ICAM3: variants seen among roughly 807,000 people sequenced by gnomAD.
ICAM3 encodes the protein ICAM-3.
A neutral mutation model predicts 43.6 loss-of-function variants in ICAM3; 54 were observed. The ratio of observed to expected loss-of-function variants is 1.24; its 90% CI spans 0.99 to 1.55. The LOEUF (loss-of-function observed/expected upper bound fraction) is 1.55. Among genes scored for constraint, ICAM3 ranks in the 40% most tolerant of loss-of-function variants. The pLI, the probability that ICAM3 is intolerant of heterozygous loss-of-function variation, is 0.00. For synonymous variants in ICAM3, 306 were observed against 312.6 expected (o/e 0.98, Z 0.22); for missense variants, 715 against 717.9 (o/e 1.00, Z 0.05).
Position 10,334,981 on chromosome 19 carries a change from G to T in ICAM3, c.937+85C>A, listed in dbSNP as rs532825765. On this transcript the variant is annotated intron_variant, in intron 4 of 6. Transcript: ENST00000160262. This position sits in a 1 kb window ranked among gnomAD's most constrained non-coding sequence, Gnocchi z 5.5. ...TGCAACTGCTATTGGGGCAAGCCAG[G>T]CCCCACCTTTTCGGCTAGTCTCCGC... is the stretch of plus-strand genomic sequence containing the variant. 7.8e-6 allele frequency: 12 copies of T among 1,534,348 alleles called. No homozygotes were observed. The South Asian group carries it at 1.5e-4, about 19-fold the overall frequency.
At position 10,333,897 on chromosome 19, in the gene ICAM3, G is replaced by A. The variant is rs754625737; in HGVS notation, c.1604C>T (p.Pro535Leu). 6.2e-7 allele frequency: 1 copy of A among 1,614,112 alleles called. No individual in the cohort carries two copies. Among genetic ancestry groups the A allele is most frequent in the East Asian group, 2.2e-5 (1 of 44,884 alleles). Residue 535 changes from proline (P) to leucine (L), a missense_variant, in exon 7 of 7, where the codon CCG (proline) becomes CTG (leucine). Coordinates refer to ENST00000160262, the MANE Select transcript of ICAM3 (RefSeq NM_002162.5). The surrounding 1 kb of genome is among the most constrained non-coding windows in gnomAD (Gnocchi z 4.2). ...STYLPLTSMQ[P>L]TEAMGEEPSR... is the part of the protein sequence containing the mutation. ...CGGTTCTTCCCCCATTGCTTCTGTC[G>A]GCTGCATAGACGTGAGGGGCAGATA...
rs1455643581 is a variant in ICAM3 at position 10,334,305 on chromosome 19, C to G, written c.1296G>C (p.Glu432Asp). 6.2e-6 allele frequency: 10 copies of G among 1,614,206 alleles called. No individual in the cohort carries two copies. Among genetic ancestry groups the G allele is most frequent in the Non-Finnish European group, 8.5e-6 (10 of 1,180,036 alleles). The change falls in exon 6 of 7, where the codon GAG becomes GAC. Residue 432 changes from glutamate (E) to aspartate (D), a missense_variant. Transcript: ENST00000160262. The surrounding 1 kb of genome is among the most constrained non-coding windows in gnomAD (Gnocchi z 5.5). ...QCQARGNPYP[E>D]LRCLKEGSSR... Reference sequence around the variant, plus strand: ...TGGAGCCTTCCTTCAAACACCGCAGCTCGGGGTACGGGTTGCCCCTGGCTT... The same window carrying G: ...TGGAGCCTTCCTTCAAACACCGCAGGTCGGGGTACGGGTTGCCCCTGGCTT...
chr19:10,336,306 T>G, intron 2 of ICAM3: 1 of 278,532 alleles, frequency 3.6e-6, no homozygotes, highest in Non-Finnish European at 7.0e-6. Context: ...CCAGACGTGG[T>G]GGCTCACGCC....
intron 2 of ICAM3, among the ~76,000 whole-genome samples, chr19:10,338,221 T>G (rs1196035562): frequency 6.6e-6 from 1 of 151,876 alleles, no homozygotes; most frequent in African/African-American, 2.4e-5. Context: ...CTGGCCAACA[T>G]GGTGAAATGC....
intron 2 of ICAM3, chr19:10,336,220 A>G (rs910963241): frequency 1.8e-5 from 9 of 491,054 alleles, no homozygotes; most frequent in Non-Finnish European, 3.3e-5. Flanking sequence ...CAAAGATGGC[A>G]CAATAAAAAA....
intron 2 of ICAM3, 109 bp from the exon 3 acceptor site, chr19:10,336,085 G>C (rs1368306166): frequency 9.8e-7 from 1 of 1,022,194 alleles, no homozygotes; most frequent in African/African-American, 1.6e-5. Flanking sequence ...TGAGCTTTGA[G>C]TTAATAAACT....
In ICAM3 at chr19:10,334,106, A is replaced by ACC; in HGVS notation, c.1442-49_1442-48dup. ...TCAATATGCGTCCCTTCTGTCTCCA[A>ACC]CCCCCCCGCCCCCCGGCTTACCGGT... is the stretch of plus-strand genomic sequence containing the variant. On this transcript the variant is annotated intron_variant, in intron 6 of 6. Coordinates refer to ENST00000160262, the MANE Select transcript of ICAM3 (RefSeq NM_002162.5). This position sits in a 1 kb window ranked among gnomAD's most constrained non-coding sequence, Gnocchi z 5.5. 3.8e-6 allele frequency: 6 copies of ACC among 1,579,134 alleles called. No homozygotes were observed. Among genetic ancestry groups the ACC allele is most frequent in the Non-Finnish European group, 5.2e-6 (6 of 1,151,616 alleles).
At chr19:10,335,015 C>T (rs551374487) in intron 4 of ICAM3, 51 bp downstream of exon 4, 10 of 1,574,852 alleles carry the variant, frequency 6.3e-6, no homozygotes, top group African/African-American at 4.0e-5. Context: ...GCCCCCTCTG[C>T]CACGCCCCCA....
chr19:10,335,589 C>G, intron 3 of ICAM3, 82 bp downstream of exon 3: 1 of 1,383,138 alleles, frequency 7.2e-7, no homozygotes, highest in African/African-American at 1.4e-5. Flanking sequence ...TCCGGGGTAC[C>G]CCACTCTCAG....
Position 10,334,611 on chromosome 19 carries a change from C to T in ICAM3, c.1109G>A (p.Gly370Glu), listed in dbSNP as rs763096047. 3 of 1,613,750 alleles carry T rather than the reference C, an allele frequency of 1.9e-6. No individual in the cohort carries two copies. The highest frequency in any genetic ancestry group is 2.2e-5 in the East Asian group (1 of 44,884). Residue 370 changes from glycine (G) to glutamate (E), a missense_variant, in exon 5 of 7, where the codon GGA (glycine) becomes GAA (glutamate). By Grantham distance (98) the Gly-to-Glu change is moderately conservative. Coordinates refer to ENST00000160262, the MANE Select transcript of ICAM3 (RefSeq NM_002162.5). The surrounding 1 kb of genome is among the most constrained non-coding windows in gnomAD (Gnocchi z 5.5). ...AGTGGCACTGCAGAAGAAGCTGCGTCCGTCGTCACTCTCGGTAGCATTTAG... is the reference window on the plus strand; with the variant it reads ...AGTGGCACTGCAGAAGAAGCTGCGTTCGTCGTCACTCTCGGTAGCATTTAG... ...LQLNATESDD[G>E]RSFFCSATLE... is the part of the protein sequence containing the mutation.
At chr19:10,336,889 C>T (rs1213097078) in intron 2 of ICAM3, among the ~76,000 whole-genome samples, 1 of 150,158 alleles carries the variant, frequency 6.7e-6, no homozygotes, top group Non-Finnish European at 1.5e-5. Context: ...GGAGGCGGAT[C>T]ACTTGAGGTC....
Position 10,335,341 on chromosome 19 carries a change from G to A in ICAM3, c.662C>T (p.Thr221Ile), listed in dbSNP as rs756208899. ...RQLRTFVLPV[T>I]PPRLVAPRFL... Reference sequence around the variant, plus strand: ...CCGGGGGGCCACGAGGCGCGGGGGGGTCACGGGCAGGACTGGGGAGAAAGG... The same window carrying A: ...CCGGGGGGCCACGAGGCGCGGGGGGATCACGGGCAGGACTGGGGAGAAAGG... Residue 221 changes from threonine (T) to isoleucine (I), a missense_variant, in exon 4 of 7, where the codon ACC becomes ATC. Coordinates refer to ENST00000160262, the MANE Select transcript of ICAM3 (RefSeq NM_002162.5). The A allele has an allele frequency of 6.2e-6, 10 of 1,606,706 alleles. No individual in the cohort carries two copies. Among genetic ancestry groups the A allele is most frequent in the Non-Finnish European group, 7.6e-6 (9 of 1,178,578 alleles).
chr19:10,333,859 A>T lies in ICAM3; in HGVS notation c.1642T>A (p.Ter548ArgextTer21), dbSNP rs1246035714. Residue 548 changes from the stop codon to arginine (R), a stop_lost, in exon 7 of 7, where the codon TGA (stop) becomes AGA (arginine). Coordinates refer to ENST00000160262, the MANE Select transcript of ICAM3 (RefSeq NM_002162.5). The surrounding 1 kb of genome is among the most constrained non-coding windows in gnomAD (Gnocchi z 4.2). ...AACTTTGATCCCGGATCCCAGCGTC[A>T]CTCAGCTCTGGACGGTTCTTCCCCC... ...AMGEEPSRAE[*>R] The T allele has an allele frequency of 8.1e-6, 13 of 1,613,342 alleles. 1 individual carries two copies. The African/African-American group carries it at 1.2e-4, about 15-fold the overall frequency.
rs147817956 is a variant in ICAM3 at position 10,338,712 on chromosome 19, T to G, written c.313A>C (p.Ile105Leu). ...LCSVYCNGSQ[I>L]TGSSNITVYR... ...ACGGTGATGTTAGAGGAGCCTGTTA[T>G]CTGAGAGCCATTGCAGTACACTGAG... Residue 105 changes from isoleucine (I) to leucine (L), a missense_variant, in exon 2 of 7, where the codon ATA becomes CTA. Transcript: ENST00000160262. 6.2e-7 allele frequency: 1 copy of G among 1,614,048 alleles called. No homozygotes were observed. The highest frequency in any genetic ancestry group is 1.3e-5 in the African/African-American group (1 of 74,940).
intron 2 of ICAM3, among the ~76,000 whole-genome samples, chr19:10,338,149 A>C (rs541641152): frequency 6.6e-6 from 1 of 151,870 alleles, no homozygotes; most frequent in East Asian, 1.9e-4. Context: ...CATGCCTGTA[A>C]TCCCAGCACT....
Position 10,335,173 on chromosome 19 carries a change from G to A in ICAM3, c.830C>T (p.Thr277Ile). ...ATCCGCGCGCGCCGTGGCTGTGGCT[G>A]TGGCCGTTAGCGTGTCCCCGTGGTT... is the stretch of plus-strand genomic sequence containing the variant. ...VMNHGDTLTA[T>I]ATATARADQE... is the part of the protein sequence containing the mutation. The change falls in exon 4 of 7, where the codon ACA (threonine) becomes ATA (isoleucine). Residue 277 changes from threonine (T) to isoleucine (I), a missense_variant. Coordinates refer to ENST00000160262, the MANE Select transcript of ICAM3 (RefSeq NM_002162.5). 6.2e-7 allele frequency: 1 copy of A among 1,613,612 alleles called. No individual in the cohort carries two copies. The highest frequency in any genetic ancestry group is 8.5e-7 in the Non-Finnish European group (1 of 1,180,000).
rs2040570158 is a variant in ICAM3 at position 10,334,868 on chromosome 19, G to T, written c.938-86C>A. The T allele has an allele frequency of 9.4e-6, 14 of 1,488,622 alleles. No homozygotes were observed. Among genetic ancestry groups the T allele is most frequent in the Non-Finnish European group, 1.3e-5 (14 of 1,110,750 alleles). The allele number at this position is 1,488,622 out of a possible 1,614,324, so 92.2% of individuals were successfully genotyped here. On this transcript the variant is annotated intron_variant, in intron 4 of 6. Transcript: ENST00000160262. The surrounding 1 kb of genome is among the most constrained non-coding windows in gnomAD (Gnocchi z 5.5). ...TCCCTCCGCCCTCCCCTTTCCTCTC[G>T]GGATATCCGGGCCACGCTTTCGGCC...
rs1402294761 is a variant in ICAM3 at position 10,335,126 on chromosome 19, C to A, written c.877G>T (p.Val293Phe). The A allele has an allele frequency of 6.2e-7, 1 of 1,613,770 alleles. No homozygotes were observed. Among genetic ancestry groups the A allele is most frequent in the Admixed American group, 1.7e-5 (1 of 59,998 alleles). ...RADQEGAREI[V>F]CNVTLGGERR... ...TCGCCCCCTAGGGTCACGTTGCAGA[C>A]GATCTCCCGGGCACCCTCCTGATCC... Residue 293 changes from valine to phenylalanine, a missense_variant, in exon 4 of 7, where the codon GTC becomes TTC. Physicochemically the swap from Val to Phe is conservative, Grantham distance 50. Coordinates refer to ENST00000160262, the MANE Select transcript of ICAM3 (RefSeq NM_002162.5).
chr19:10,335,679 C>T lies in ICAM3; in HGVS notation c.641G>A (p.Arg214Gln). 6.2e-7 allele frequency: 1 copy of T among 1,603,546 alleles called. No individual in the cohort carries two copies. The highest frequency in any genetic ancestry group is 8.5e-7 in the Non-Finnish European group (1 of 1,175,216). Reference protein sequence around the residue: ...FVNTSAPRQLRTFVLPVTPPR... With the variant: ...FVNTSAPRQLQTFVLPVTPPR... ...GAAGCCCCTTCTCTCACCAAAGGTT[C>T]GGAGCTGGCGGGGGGCTGAGGTGTT... The change falls in exon 3 of 7, where the codon CGA becomes CAA. Residue 214 changes from arginine (R) to glutamine (Q), a missense_variant. By Grantham distance (43) the Arg-to-Gln change is conservative. Transcript: ENST00000160262.
Sources: allele counts gnomAD v4.1 joint callset (sites outside exome capture counted in the v4.1 genomes callset), GRCh38; gene constraint gnomAD v4.1.1; non-coding constraint Gnocchi (gnomAD v3.1); transcripts MANE v1.5; gene names NCBI Gene and HGNC (gene_info 2026-07-23, HGNC 2026-07-21).